Variants in ERP44 observed in about 807,000 individuals in gnomAD.
ERP44 encodes the protein endoplasmic reticulum resident protein 44.
Under a neutral mutation model 53.4 loss-of-function variants are expected in ERP44, and 25 were observed. The ratio of observed to expected loss-of-function variants is 0.47; its 90% confidence interval spans 0.34 to 0.65. The LOEUF is 0.65. Ranked by LOEUF, ERP44 falls within the 30% of genes least tolerant of loss-of-function variation. The probability of loss-of-function intolerance (pLI) is 0.01; values close to 1 mark genes in which losing one functional copy is unlikely to be tolerated. For synonymous variants in ERP44, 145 were observed against 161.2 expected, an observed-to-expected ratio of 0.90 and a Z score of 0.76; for missense variants, 338 against 493.2, an observed-to-expected ratio of 0.69 and a Z score of 2.98.
chr9:100,019,315 G>A (rs1391807271), intron 6 of ERP44, among the ~76,000 whole-genome samples: 1 of 152,004 alleles, frequency 6.6e-6, no homozygotes, highest in Admixed American at 6.6e-5. Context: ...AGGCAGACGT[G>A]GGAGGATCAC....
At chr9:100,078,610 C>G (rs1328521058) in intron 1 of ERP44, among the ~76,000 whole-genome samples, 3 of 151,924 alleles carry the variant, frequency 2.0e-5, no homozygotes, top group Non-Finnish European at 1.5e-5. Flanking sequence ...CAAAAATTAG[C>G]TGGGCGTGGT....
chr9:100,022,070 C>T lies in ERP44; in HGVS notation c.443G>A (p.Arg148Gln), dbSNP rs1450917325. Residue 148 changes from arginine (R) to glutamine (Q), a missense_variant, in exon 5 of 12, where the codon CGG becomes CAG. This residue lies in a region of ERP44 where 224 missense variants were observed against 301.4 expected (regional missense o/e 0.74). Coordinates refer to ENST00000262455, the MANE Select transcript of ERP44 (RefSeq NM_015051.3). The stretch of plus-strand genomic sequence containing the variant: ...AAGAGTGGTGATTTCTGCTAAGTCC[C>T]GAATTTCTTGAATGGGGTCACTTTT... ...QQKSDPIQEI[R>Q]DLAEITTLDR... 2 of 1,613,476 alleles carry T rather than the reference C, an allele frequency of 1.2e-6. No individual in the cohort carries two copies. The highest frequency in any genetic ancestry group is 1.3e-5 in the African/African-American group (1 of 74,968).
At chr9:100,085,201 C>A (rs1217300321) in intron 1 of ERP44, among the ~76,000 whole-genome samples, 1 of 152,160 alleles carries the variant, frequency 6.6e-6, no homozygotes, top group Non-Finnish European at 1.5e-5. Context: ...ATGGAAAATA[C>A]AATTTACCCT....
Position 100,006,572 on chromosome 9 carries a change from T to C in ERP44, c.950A>G (p.Asp317Gly). ...PLLHIQKTPA[D>G]CPVIAIDSFR... ...GCTGTCAATAGCGATTACAGGACAA[T>C]CTGCTGGAGTTTTCTGTATGTGCAG... Residue 317 changes from aspartate (D) to glycine (G), a missense_variant, in exon 10 of 12, where the codon GAT (aspartate) becomes GGT (glycine). Asp to Gly is a moderately conservative substitution (Grantham distance 94). This residue lies in a region of ERP44 where 113 missense variants were observed against 172.6 expected (regional missense o/e 0.65). Coordinates refer to ENST00000262455, the MANE Select transcript of ERP44 (RefSeq NM_015051.3). 1 of 1,611,218 alleles carries C rather than the reference T, an allele frequency of 6.2e-7. No individual in the cohort carries two copies. The highest frequency in any genetic ancestry group is 8.5e-7 in the Non-Finnish European group (1 of 1,178,150).
Position 99,980,273 on chromosome 9 carries a change from C to T in ERP44, c.*2339G>A. ...GAACAACTCTAGGGCAGAAATAATG[C>T]TTTATTCAGCTTTACATCTTTCATC... On this transcript the variant is annotated 3_prime_UTR_variant, in exon 12 of 12. Coordinates refer to ENST00000262455, the MANE Select transcript of ERP44 (RefSeq NM_015051.3). 1 of 385,010 alleles carries T rather than the reference C, an allele frequency of 2.6e-6. No homozygotes were observed. Among genetic ancestry groups the T allele is most frequent in the African/African-American group, 2.1e-5 (1 of 48,460 alleles). 23.8% of individuals were successfully genotyped at this position (385,010 alleles called of 1,614,324 possible). A position where few individuals can be genotyped will look rare whatever the true frequency, so the allele number is the denominator to read the frequency against.
chr9:100,029,584 G>A (rs539441064), intron 4 of ERP44, among the ~76,000 whole-genome samples: 2 of 152,306 alleles, frequency 1.3e-5, no homozygotes, highest in Admixed American at 1.3e-4. Context: ...CAGTAACGTA[G>A]CACAGCCACT....
chr9:100,006,170 G>A (rs1386458819), intron 10 of ERP44, among the ~76,000 whole-genome samples: 1 of 152,138 alleles, frequency 6.6e-6, no homozygotes, highest in Non-Finnish European at 1.5e-5. Flanking sequence ...TTCTCAATGT[G>A]CTTGGTAAAG....
intron 1 of ERP44, among the ~76,000 whole-genome samples, chr9:100,077,661 T>A (rs553544484): frequency 1.6e-4 from 25 of 152,288 alleles, no homozygotes; most frequent in South Asian, 6.2e-4. Flanking sequence ...AACAATTCCA[T>A]TAAACTGGAA....
At chr9:100,067,135 C>T (rs1448999770) in intron 1 of ERP44, among the ~76,000 whole-genome samples, 2 of 152,068 alleles carry the variant, frequency 1.3e-5, no homozygotes, top group African/African-American at 4.8e-5. Flanking sequence ...CTAAAAAAAC[C>T]AAACAACCGC....
At chr9:100,030,133 C>T (rs1172869232) in intron 4 of ERP44, among the ~76,000 whole-genome samples, 1 of 152,150 alleles carries the variant, frequency 6.6e-6, no homozygotes, top group East Asian at 1.9e-4. Context: ...CAATAAAATA[C>T]AACTCAGGGC....
chr9:100,073,831 A>G (rs1826329047), intron 1 of ERP44, among the ~76,000 whole-genome samples: 1 of 152,182 alleles, frequency 6.6e-6, no homozygotes, highest in Non-Finnish European at 1.5e-5. Flanking sequence ...CAAGAAATAC[A>G]CTTTACACTG....
chr9:100,010,673 G>A (rs1037546963), intron 8 of ERP44, among the ~76,000 whole-genome samples: 9 of 152,016 alleles, frequency 5.9e-5, no homozygotes, highest in Non-Finnish European at 8.8e-5. Context: ...AGTCTGAGGC[G>A]GGTGGATCAC....
At chr9:100,065,323 A>G (rs959520928) in intron 1 of ERP44, among the ~76,000 whole-genome samples, 1 of 152,212 alleles carries the variant, frequency 6.6e-6, no homozygotes, top group African/African-American at 2.4e-5. Flanking sequence ...CCAGATGTGT[A>G]GTAGGCTATA....
intron 10 of ERP44, among the ~76,000 whole-genome samples, chr9:100,003,584 C>T (rs1288796559): frequency 1.3e-5 from 2 of 150,246 alleles, no homozygotes; most frequent in Non-Finnish European, 3.0e-5. Flanking sequence ...GAGCTTGGTG[C>T]CTGGGTCCAT....
At chr9:99,983,548 T>A (rs1830169851) in intron 11 of ERP44, among the ~76,000 whole-genome samples, 1 of 99,256 alleles carries the variant, frequency 1.0e-5, no homozygotes. Context: ...CGAGACTCCG[T>A]CTCAAAAAAA....
intron 4 of ERP44, among the ~76,000 whole-genome samples, chr9:100,026,209 G>A (rs184335964): frequency 5.8e-4 from 88 of 152,262 alleles, no homozygotes; most frequent in Admixed American, 1.0e-3. Flanking sequence ...TACAAACCTG[G>A]GGAGTTGGGT....
intron 1 of ERP44, among the ~76,000 whole-genome samples, chr9:100,084,758 G>GT (rs1289050218): frequency 6.6e-6 from 1 of 152,032 alleles, no homozygotes; most frequent in Non-Finnish European, 1.5e-5. Context: ...TCCGAAAATC[G>GT]TATCATACGG....
chr9:100,009,674 C>T (rs555815134), intron 8 of ERP44, among the ~76,000 whole-genome samples: 45 of 152,156 alleles, frequency 3.0e-4, no homozygotes, highest in African/African-American at 8.4e-4. Flanking sequence ...TCTAACTGAT[C>T]GCTTATCTGT....
intron 3 of ERP44, among the ~76,000 whole-genome samples, chr9:100,055,663 GC>G (rs1239829940): frequency 5.3e-5 from 8 of 152,228 alleles, no homozygotes; most frequent in African/African-American, 7.2e-5. Flanking sequence ...GAGCCACTGT[GC>G]CCAGCCATGT....
Sources: gnomAD v4.1 joint callset for allele counts (sites outside exome capture counted in the v4.1 genomes callset) on GRCh38, gnomAD v4.1.1 for gene constraint, gnomAD v4.1.1 regional missense constraint, MANE v1.5 for transcripts, NCBI Gene and HGNC (gene_info 2026-07-23, HGNC 2026-07-21) for gene names.